FAM135B: variants seen among roughly 807,000 people sequenced by gnomAD.
FAM135B encodes protein FAM135B.
In FAM135B, 43 loss-of-function variants were observed where a neutral mutation model predicts 127.7. That is an observed-to-expected ratio of 0.34 (90% CI 0.26 to 0.43). The LOEUF is 0.43. Among genes scored for constraint, FAM135B ranks in the 20% least tolerant of loss-of-function variants. FAM135B has a pLI of 1.00. For synonymous variants in FAM135B, 670 were observed against 665.1 expected, an observed-to-expected ratio of 1.01 and a Z score of -0.11; for missense variants, 1,558 against 1,725.6, an observed-to-expected ratio of 0.90 and a Z score of 1.72.
intron 4 of FAM135B, among the ~76,000 whole-genome samples, chr8:138,257,892 A>AG (rs1554646126): frequency 7.0e-6 from 1 of 142,186 alleles, no homozygotes; most frequent in African/African-American, 2.5e-5. Context: ...AAATAAAAAA[A>AG]AAAATAAAAC....
chr8:138,431,080 C>G (rs926621176), intron 1 of FAM135B, among the ~76,000 whole-genome samples: 5 of 152,132 alleles, frequency 3.3e-5, no homozygotes, highest in African/African-American at 1.2e-4. Context: ...ATAGAGACAA[C>G]AGGTATACAC....
chr8:138,387,896 T>C (rs1245089357), intron 1 of FAM135B, among the ~76,000 whole-genome samples: 1 of 152,102 alleles, frequency 6.6e-6, no homozygotes, highest in Non-Finnish European at 1.5e-5. Context: ...AATATGAAAA[T>C]CATATCACAC....
At chr8:138,207,116 G>A (rs1166151783) in intron 7 of FAM135B, among the ~76,000 whole-genome samples, 8 of 152,008 alleles carry the variant, frequency 5.3e-5, no homozygotes, top group Admixed American at 3.3e-4. Flanking sequence ...TTGTATTACT[G>A]TGTCCCTCAT....
rs868858786 is a variant in FAM135B at position 138,365,705 on chromosome 8, T to C, written c.77+2202A>G. Among the ~76,000 whole-genome samples the C allele has an allele frequency of 3.3e-5, 5 of 152,336 alleles. No individual in the cohort carries two copies. The South Asian group carries it at 1.0e-3, about 32-fold the overall frequency. ...ATGATTCATCATGGTATTAGACATT[T>C]TTCTATTTGTCTTTTCCTAACTCTT... is the stretch of plus-strand genomic sequence containing the variant. On this transcript the variant is annotated intron_variant, in intron 2 of 19. Transcript: ENST00000395297.
chr8:138,382,557 T>A (rs954271575), intron 1 of FAM135B, among the ~76,000 whole-genome samples: 1 of 152,148 alleles, frequency 6.6e-6, no homozygotes, highest in African/African-American at 2.4e-5. Context: ...CTAGTCCTGT[T>A]CTTTATTAAT....
intron 1 of FAM135B, among the ~76,000 whole-genome samples, chr8:138,427,193 T>TG (rs1036867107): frequency 6.6e-6 from 1 of 151,398 alleles, no homozygotes; most frequent in Non-Finnish European, 1.5e-5. Context: ...AAGGGAGTTT[T>TG]GGGGGTGTAG....
intron 2 of FAM135B, among the ~76,000 whole-genome samples, chr8:138,353,782 C>T (rs1281207400): frequency 9.0e-6 from 1 of 111,234 alleles, no homozygotes; most frequent in African/African-American, 2.6e-5. Context: ...AGCTCACACA[C>T]CTGTGCTAGT....
chr8:138,314,783 G>T (rs1826951771), intron 2 of FAM135B, among the ~76,000 whole-genome samples: 1 of 150,226 alleles, frequency 6.7e-6, no homozygotes, highest in South Asian at 2.1e-4. Context: ...GAAGGGCTGA[G>T]GTGGGAAAAT....
intron 3 of FAM135B, among the ~76,000 whole-genome samples, chr8:138,289,817 G>A (rs1019111144): frequency 6.6e-6 from 1 of 152,130 alleles, no homozygotes; most frequent in South Asian, 2.1e-4. Context: ...AAGCAAAAGG[G>A]ACTTTTGTTG....
chr8:138,209,167 G>C lies in FAM135B; in HGVS notation c.670-11498C>G, dbSNP rs140258643. 4.6e-3 allele frequency among the ~76,000 whole-genome samples: 696 copies of C among 152,126 alleles called. 1 individual carries two copies. The highest frequency in any genetic ancestry group is 0.016 in the African/African-American group (667 of 41,492). Reference sequence around the variant, plus strand: ...GCCCATCACTGCGGTGAACACTTGAGGTCTAGAGGTTAATGAATACTGTCC... The same window carrying C: ...GCCCATCACTGCGGTGAACACTTGACGTCTAGAGGTTAATGAATACTGTCC... On this transcript the variant is annotated intron_variant, in intron 7 of 19. Coordinates refer to ENST00000395297, the MANE Select transcript of FAM135B (RefSeq NM_015912.4).
chr8:138,178,100 T>C (rs1814650665), intron 10 of FAM135B, among the ~76,000 whole-genome samples: 1 of 151,670 alleles, frequency 6.6e-6, no homozygotes, highest in Non-Finnish European at 1.5e-5. Context: ...CAAAAAAAAT[T>C]AGTCGGGTGT....
chr8:138,207,899 AG>A (rs1328779808), intron 7 of FAM135B, among the ~76,000 whole-genome samples: 1 of 152,180 alleles, frequency 6.6e-6, no homozygotes, highest in Non-Finnish European at 1.5e-5. Flanking sequence ...CTGCCATACC[AG>A]GGTGGGTAAG....
chr8:138,278,468 G>C (rs924049216), intron 3 of FAM135B, among the ~76,000 whole-genome samples: 1 of 151,458 alleles, frequency 6.6e-6, no homozygotes, highest in Non-Finnish European at 1.5e-5. Flanking sequence ...AGGATGACTT[G>C]AGGGATGTGA....
intron 14 of FAM135B, 66 bp from the exon 15 acceptor site, chr8:138,146,116 G>T: frequency 1.3e-6 from 1 of 794,066 alleles, no homozygotes. Flanking sequence ...GACACACGAG[G>T]AATTTCTTTC....
At chr8:138,333,634 G>A (rs1210986171) in intron 2 of FAM135B, among the ~76,000 whole-genome samples, 1 of 152,162 alleles carries the variant, frequency 6.6e-6, no homozygotes, top group Non-Finnish European at 1.5e-5. Context: ...TTGACAGCAA[G>A]AGTCATATCA....
At chr8:138,165,171 A>C (rs1586658437) in intron 12 of FAM135B, among the ~76,000 whole-genome samples, 1 of 149,480 alleles carries the variant, frequency 6.7e-6, no homozygotes, top group Non-Finnish European at 1.5e-5. Flanking sequence ...GCCAGGCTGG[A>C]GTGCAATGGC....
At chr8:138,162,038 T>C (rs1408799848) in intron 12 of FAM135B, among the ~76,000 whole-genome samples, 3 of 152,140 alleles carry the variant, frequency 2.0e-5, no homozygotes, top group Non-Finnish European at 4.4e-5. Context: ...TTGAAAAAAT[T>C]TGCTTCAATA....
At chr8:138,371,978 G>A (rs1289950633) in intron 1 of FAM135B, among the ~76,000 whole-genome samples, 2 of 152,146 alleles carry the variant, frequency 1.3e-5, no homozygotes, top group East Asian at 3.9e-4. Context: ...TGATGCTCAG[G>A]GACTGGGAAA....
Position 138,130,291 on chromosome 8 carries a change from C to T in FAM135B, c.*2302G>A, listed in dbSNP as rs1298320873. The T allele has an allele frequency of 6.6e-6, 1 of 151,810 alleles. No homozygotes were observed. Among genetic ancestry groups the T allele is most frequent in the Non-Finnish European group, 1.5e-5 (1 of 67,986 alleles). The allele number at this position is 151,810 out of a possible 1,614,324, so 9.4% of individuals were successfully genotyped here. ...AAAAGCCTTTTCAAATGAGGCATGA[C>T]ACGCAACACTCGACACTCTTATTTA... On this transcript the variant is annotated 3_prime_UTR_variant, in exon 20 of 20. Transcript: ENST00000395297.
Sources: allele counts gnomAD v4.1 joint callset (sites outside exome capture counted in the v4.1 genomes callset), GRCh38; gene constraint gnomAD v4.1.1; transcripts MANE v1.5; gene names NCBI Gene and HGNC (gene_info 2026-07-23, HGNC 2026-07-21).